The following LRRC37A3 variants were observed in gnomAD, a reference collection of about 807,000 sequenced individuals.
LRRC37A3 encodes the protein leucine-rich repeat-containing protein 37A3.
LRRC37A3 carries 25 observed loss-of-function variants against 106.2 expected under a neutral mutation model. That is an observed-to-expected ratio of 0.24 (90% CI 0.17 to 0.33). The LOEUF is 0.33. Among genes scored for constraint, LRRC37A3 ranks in the 10% least tolerant of loss-of-function variants. The probability of loss-of-function intolerance (pLI) is 1.00; values close to 1 mark genes in which losing one functional copy is unlikely to be tolerated. For synonymous variants in LRRC37A3, 305 were observed against 635.8 expected (o/e 0.48, Z 7.83); for missense variants, 712 against 1,644.9 (o/e 0.43, Z 9.81).
intron 10 of LRRC37A3, among the ~76,000 whole-genome samples, chr17:64,865,779 T>TCCGTA (rs1451969342): frequency 3.9e-5 from 6 of 152,348 alleles, no homozygotes; most frequent in Non-Finnish European, 7.3e-5. Context: ...TACTATGCGG[T>TCCGTA]CCGTATACAC....
chr17:64,860,924 T>A lies in LRRC37A3; in HGVS notation c.3222A>T (p.Leu1074Phe). Residue 1074 changes from leucine (L) to phenylalanine (F), a missense_variant, in exon 12 of 15, where the codon TTA (leucine) becomes TTT (phenylalanine). Transcript: ENST00000584306. ...TGCTTGTGTAATTCTTCCGGGCTTGTAACACCTTCATGAACGCTCCTTCTG... is the reference window on the plus strand; with the variant it reads ...TGCTTGTGTAATTCTTCCGGGCTTGAAACACCTTCATGAACGCTCCTTCTG... ...GNPEGAFMKV[L>F]QARKNYTSTE... The A allele has an allele frequency of 6.2e-7, 1 of 1,614,078 alleles. No individual in the cohort carries two copies. Among genetic ancestry groups the A allele is most frequent in the Non-Finnish European group, 8.5e-7 (1 of 1,179,960 alleles).
At chr17:64,909,263 A>G (rs1353018270) in intron 2 of LRRC37A3, among the ~76,000 whole-genome samples, 2 of 152,070 alleles carry the variant, frequency 1.3e-5, no homozygotes, top group East Asian at 3.8e-4. Context: ...AAGATATTGG[A>G]AAAAAAAGAA....
chr17:64,860,727 G>C lies in LRRC37A3; in HGVS notation c.3419C>G (p.Pro1140Arg). Residue 1140 changes from proline to arginine, a missense_variant, in exon 12 of 15, where the codon CCG becomes CGG. Physicochemically the swap from Pro to Arg is moderately radical, Grantham distance 103. Transcript: ENST00000584306. ...TCCTGTGGTTGGCAGTTTAATGAAC[G>C]GTAGTAACAGTGATTTCACATCTAG... is the stretch of plus-strand genomic sequence containing the variant. ...VNLDVKSLLL[P>R]FIKLPTTGNS... 1 of 1,613,974 alleles carries C rather than the reference G, an allele frequency of 6.2e-7. No homozygotes were observed. The highest frequency in any genetic ancestry group is 8.5e-7 in the Non-Finnish European group (1 of 1,179,920).
At chr17:64,883,446 C>G (rs1223976579) in intron 8 of LRRC37A3, among the ~76,000 whole-genome samples, 1 of 150,892 alleles carries the variant, frequency 6.6e-6, no homozygotes, top group African/African-American at 2.4e-5. Context: ...TGAGCCTTAT[C>G]TAGTAAAAAC....
intron 13 of LRRC37A3, 116 bp from the exon 14 acceptor site, chr17:64,856,005 T>C: frequency 6.3e-7 from 1 of 1,589,282 alleles, no homozygotes; most frequent in Non-Finnish European, 8.6e-7. Flanking sequence ...GTAACTTTTT[T>C]GAAGACAGGA....
rs768336757 is a variant in LRRC37A3, at chr17:64,859,912, T to G, written c.4234A>C (p.Thr1412Pro). Residue 1412 changes from threonine (T) to proline (P), a missense_variant, in exon 12 of 15, where the codon ACC (threonine) becomes CCC (proline). Physicochemically the swap from Thr to Pro is conservative, Grantham distance 38. Transcript: ENST00000584306. ...FMENTNMPEG[T>P]ISENTNYNHP... is the part of the protein sequence containing the mutation. ...TTGTAGTTTGTGTTTTCAGAGATGGTTCCTTCTGGCATGTTAGTGTTTTCC... is the reference window on the plus strand; with the variant it reads ...TTGTAGTTTGTGTTTTCAGAGATGGGTCCTTCTGGCATGTTAGTGTTTTCC... 1.2e-6 allele frequency: 2 copies of G among 1,613,800 alleles called. No homozygotes were observed. The highest frequency in any genetic ancestry group is 8.5e-7 in the Non-Finnish European group (1 of 1,179,874).
chr17:64,892,256 GAAAA>G (rs1232916699), intron 5 of LRRC37A3, among the ~76,000 whole-genome samples: 1 of 668 alleles, frequency 1.5e-3, no homozygotes, highest in Admixed American at 0.012. Context: ...CCCTGTCTCT[GAAAA>G]AAAAAAAAAA....
intron 8 of LRRC37A3, among the ~76,000 whole-genome samples, chr17:64,874,585 A>C (rs1232514000): frequency 6.1e-5 from 8 of 131,218 alleles, no homozygotes; most frequent in African/African-American, 2.1e-4. Context: ...CCGCCACCCC[A>C]TCTGGGAGGT....
Position 64,855,857 on chromosome 17 carries a change from A to T in LRRC37A3, c.4842T>A (p.Asp1614Glu), listed in dbSNP as rs771488279. The T allele has an allele frequency of 3.1e-6, 5 of 1,611,746 alleles. No individual in the cohort carries two copies. The highest frequency in any genetic ancestry group is 2.5e-6 in the Non-Finnish European group (3 of 1,179,720). ...ATATTTACCTTGAGAATCCTTCTTCATCTTCTTGTAATGACCTTCGGTGAC... is the reference window on the plus strand; with the variant it reads ...ATATTTACCTTGAGAATCCTTCTTCTTCTTCTTGTAATGACCTTCGGTGAC... ...ICCHRRSLQE[D>E]EEGFSRDSEA... The change falls in exon 14 of 15, where the codon GAT becomes GAA. Residue 1614 changes from aspartate (D) to glutamate (E), a missense_variant. Coordinates refer to ENST00000584306, the MANE Select transcript of LRRC37A3 (RefSeq NM_199340.5).
At chr17:64,880,007 CTCTT>C (rs1225284370) in intron 8 of LRRC37A3, among the ~76,000 whole-genome samples, 1 of 152,006 alleles carries the variant, frequency 6.6e-6, no homozygotes, top group Non-Finnish European at 1.5e-5. Context: ...CCAACCTTCC[CTCTT>C]TCTTGATAGC....
intron 2 of LRRC37A3, among the ~76,000 whole-genome samples, chr17:64,912,983 T>A (rs1974622831): frequency 6.7e-6 from 1 of 149,936 alleles, no homozygotes; most frequent in African/African-American, 2.5e-5. Flanking sequence ...AAAACAGTAT[T>A]ATACTACTAA....
At chr17:64,857,938 A>G (rs1209521601) in intron 13 of LRRC37A3, among the ~76,000 whole-genome samples, 2 of 152,234 alleles carry the variant, frequency 1.3e-5, no homozygotes, top group Admixed American at 6.5e-5. Context: ...CAAGGTTGCC[A>G]GCTTTATTAA....
At chr17:64,856,272 G>A (rs1972676325) in intron 13 of LRRC37A3, among the ~76,000 whole-genome samples, 1 of 151,928 alleles carries the variant, frequency 6.6e-6, no homozygotes, top group Non-Finnish European at 1.5e-5. Flanking sequence ...GATGGAGTGC[G>A]GTGTCACGAT....
intron 11 of LRRC37A3, among the ~76,000 whole-genome samples, chr17:64,862,685 T>C (rs1972916267): frequency 6.6e-6 from 1 of 152,194 alleles, no homozygotes; most frequent in African/African-American, 2.4e-5. Flanking sequence ...CCTTTGTGCA[T>C]ATGGAACAGT....
chr17:64,893,807 G>A (rs1335039066), intron 4 of LRRC37A3, among the ~76,000 whole-genome samples: 2 of 147,554 alleles, frequency 1.4e-5, no homozygotes, highest in Admixed American at 6.6e-5. Flanking sequence ...CCACCACCAT[G>A]CCTGGCTAAT....
intron 9 of LRRC37A3, among the ~76,000 whole-genome samples, 175 bp from the exon 10 acceptor site, chr17:64,868,711 T>C (rs1165064970): frequency 2.0e-5 from 3 of 152,140 alleles, no homozygotes; most frequent in Non-Finnish European, 4.4e-5. Context: ...AAATTAATGA[T>C]ACTCAAGAGC....
intron 8 of LRRC37A3, among the ~76,000 whole-genome samples, chr17:64,884,508 G>C (rs1973812103): frequency 1.3e-5 from 2 of 150,962 alleles, no homozygotes; most frequent in Admixed American, 6.6e-5. Flanking sequence ...TAGGATTACA[G>C]TTGCCTGCCA....
chr17:64,870,836 C>T (rs1325194600), intron 8 of LRRC37A3, among the ~76,000 whole-genome samples: 1 of 147,252 alleles, frequency 6.8e-6, no homozygotes, highest in East Asian at 2.0e-4. Context: ...ATTTTCTTTC[C>T]TTTCCTTTCT....
chr17:64,918,969 G>T (rs892345683), intron 1 of LRRC37A3, 99 bp from the exon 2 acceptor site: 1 of 1,178,604 alleles, frequency 8.5e-7, no homozygotes, highest in Non-Finnish European at 1.1e-6. Flanking sequence ...GTCCGGGCCA[G>T]GTGGCTGCCC....
Sources: allele counts gnomAD v4.1 joint callset (sites outside exome capture counted in the v4.1 genomes callset), GRCh38; gene constraint gnomAD v4.1.1; transcripts MANE v1.5; gene names NCBI Gene and HGNC (gene_info 2026-07-23, HGNC 2026-07-21).